Variants in SLC44A5 observed in about 807,000 individuals in gnomAD.
The protein encoded by SLC44A5 is choline transporter-like protein 5.
A neutral mutation model predicts 101.8 loss-of-function variants in SLC44A5; 57 were observed. That is an observed-to-expected ratio of 0.56 (90% CI 0.45 to 0.70). SLC44A5 has a LOEUF of 0.70. Ranked by LOEUF, SLC44A5 falls within the 30% of genes least tolerant of loss-of-function variation. The probability of loss-of-function intolerance (pLI) is 0.00; values close to 1 mark genes in which losing one functional copy is unlikely to be tolerated. For synonymous variants in SLC44A5, 281 were observed against 290.9 expected (o/e 0.97, Z 0.35); for missense variants, 737 against 853.1 (o/e 0.86, Z 1.70).
chr1:75,444,735 G>C (rs925571125), intron 2 of SLC44A5, among the ~76,000 whole-genome samples: 2 of 152,114 alleles, frequency 1.3e-5, no homozygotes, highest in Non-Finnish European at 2.9e-5. Context: ...CCATGCATAA[G>C]GGGAGGGTTC....
At chr1:75,479,675 C>A (rs1198798799) in intron 2 of SLC44A5, among the ~76,000 whole-genome samples, 2 of 140,050 alleles carry the variant, frequency 1.4e-5, no homozygotes, top group Admixed American at 7.0e-5. Flanking sequence ...TTCCTTGACA[C>A]ATACACCCTC....
the SLC44A5 span, among the ~76,000 whole-genome samples, chr1:75,722,970 G>A: frequency 6.6e-6 from 1 of 152,350 alleles, no homozygotes; most frequent in East Asian, 1.9e-4. Context: ...CTGGTCCAAG[G>A]AAGCATTAGG....
the SLC44A5 span, among the ~76,000 whole-genome samples, chr1:75,647,109 T>A: frequency 6.6e-6 from 1 of 152,204 alleles, no homozygotes; most frequent in African/African-American, 2.4e-5. Context: ...AAATGGTTTC[T>A]TGGGCCAGGC....
In SLC44A5 at chr1:75,234,944, C is replaced by G. The variant is rs528980707; in HGVS notation, c.741-846G>C. On this transcript the variant is annotated intron_variant, in intron 11 of 23. Transcript: ENST00000370859. ...AGTTGGCTGACTGTTCTATTAAGAA[C>G]TGATATGTCTGGTGCTATCTGTAAG... is the stretch of plus-strand genomic sequence containing the variant. Among the ~76,000 whole-genome samples, 4 of 152,144 alleles carry G rather than the reference C, an allele frequency of 2.6e-5. No individual in the cohort carries two copies. The South Asian group carries it at 8.3e-4, about 32-fold the overall frequency.
At chr1:75,496,693 C>T (rs1417560525) in intron 2 of SLC44A5, among the ~76,000 whole-genome samples, 1 of 150,276 alleles carries the variant, frequency 6.7e-6, no homozygotes, top group Non-Finnish European at 1.5e-5. Context: ...GATGAAAAGG[C>T]AACCTACAAA....
At chr1:75,503,836 T>C (rs1408229067) in intron 2 of SLC44A5, among the ~76,000 whole-genome samples, 1 of 152,126 alleles carries the variant, frequency 6.6e-6, no homozygotes, top group East Asian at 1.9e-4. Context: ...ATGCTCTGAG[T>C]CACCAAAAGT....
At chr1:75,486,769 C>T (rs757994616) in intron 2 of SLC44A5, among the ~76,000 whole-genome samples, 1 of 152,162 alleles carries the variant, frequency 6.6e-6, no homozygotes, top group African/African-American at 2.4e-5. Context: ...CAGCACACAC[C>T]GATGCAAGAG....
chr1:75,218,638 A>G lies in SLC44A5; in HGVS notation c.1381T>C (p.Leu461=). 1 of 1,613,874 alleles carries G rather than the reference A, an allele frequency of 6.2e-7. No individual in the cohort carries two copies. Among genetic ancestry groups the G allele is most frequent in the Non-Finnish European group, 8.5e-7 (1 of 1,179,790 alleles). ...QYIPTFHVYN[L]FVFLWLINFV... ...TTTATAAGCCAGAGAAAGACAAATA[A>G]GTTGTATACATGGAAGGTAGGGATG... is the stretch of plus-strand genomic sequence containing the variant. Residue 461 remains leucine (L), a synonymous_variant, in exon 17 of 24, where the codon TTA becomes CTA. Coordinates refer to ENST00000370859, the MANE Select transcript of SLC44A5 (RefSeq NM_001130058.2).
At chr1:75,485,038 G>A (rs1172956835) in intron 2 of SLC44A5, among the ~76,000 whole-genome samples, 1 of 152,248 alleles carries the variant, frequency 6.6e-6, no homozygotes, top group Non-Finnish European at 1.5e-5. Flanking sequence ...GCTATGCCAT[G>A]TAGATCTCTG....
At chr1:75,519,150 C>A (rs1669985868) in intron 2 of SLC44A5, among the ~76,000 whole-genome samples, 1 of 151,936 alleles carries the variant, frequency 6.6e-6, no homozygotes. Flanking sequence ...ACTTTTTCAT[C>A]CTAATTTCTC....
intron 23 of SLC44A5, among the ~76,000 whole-genome samples, chr1:75,210,418 T>G (rs1646830446): frequency 6.6e-6 from 1 of 152,148 alleles, no homozygotes; most frequent in South Asian, 2.1e-4. Flanking sequence ...AGGAGCATCA[T>G]GTATAAGTCA....
chr1:75,236,883 A>C (rs1648130765), intron 11 of SLC44A5, 104 bp downstream of exon 11: 1 of 606,110 alleles, frequency 1.6e-6, no homozygotes, highest in African/African-American at 1.8e-5. Flanking sequence ...CCACCAGTAC[A>C]TTTCTTTTAT....
rs768238066 is a variant in SLC44A5, at chr1:75,242,872, T to C, written c.471+14A>G. 1 of 1,573,834 alleles carries C rather than the reference T, an allele frequency of 6.4e-7. No homozygotes were observed. Among genetic ancestry groups the C allele is most frequent in the Non-Finnish European group, 8.6e-7 (1 of 1,164,246 alleles). On this transcript the variant is annotated intron_variant, in intron 8 of 23. Transcript: ENST00000370859. ...GTTAAATTGTTCTCTTGCTTTAAGC[T>C]TAAACACACATACCTTCACAGGCTT...
chr1:75,564,172 C>T (rs211706), intron 1 of SLC44A5, among the ~76,000 whole-genome samples: 144,905 of 152,294 alleles, frequency 0.95, 68,963 homozygotes, highest in East Asian at 0.98. Flanking sequence ...ATGGGCTAGA[C>T]TGACCTGTGA....
chr1:75,714,875 T>G, the SLC44A5 span, among the ~76,000 whole-genome samples: 1 of 152,178 alleles, frequency 6.6e-6, no homozygotes, highest in African/African-American at 2.4e-5. Flanking sequence ...GGTTTCACCA[T>G]GCTGGCCAGG....
chr1:75,392,359 T>C (rs2101366843), intron 3 of SLC44A5, among the ~76,000 whole-genome samples: 2 of 151,920 alleles, frequency 1.3e-5, no homozygotes, highest in Admixed American at 1.3e-4. Flanking sequence ...ACAAGATACT[T>C]CAAAAAGAAG....
chr1:75,339,606 T>C lies in SLC44A5; in HGVS notation c.77A>G (p.Asp26Gly), dbSNP rs1452352032. The C allele has an allele frequency of 2.5e-6, 4 of 1,609,670 alleles. No individual in the cohort carries two copies. The highest frequency in any genetic ancestry group is 3.4e-6 in the Non-Finnish European group (4 of 1,177,816). ...CCTGTTGGCAACAGGCCCCTTGAAA[T>C]CTGGGTCATATGTCCTTGGATCACC... ...DFGDPRTYDPDFKGPVANRSC... is the reference protein window; with the variant it reads ...DFGDPRTYDPGFKGPVANRSC... The change falls in exon 4 of 24, where the codon GAT (aspartate) becomes GGT (glycine). Residue 26 changes from aspartate (D) to glycine (G), a missense_variant. Coordinates refer to ENST00000370859, the MANE Select transcript of SLC44A5 (RefSeq NM_001130058.2).
the SLC44A5 span, among the ~76,000 whole-genome samples, chr1:75,630,331 C>T: frequency 6.6e-6 from 1 of 152,134 alleles, no homozygotes; most frequent in South Asian, 2.1e-4. Context: ...CAATCATTTC[C>T]ATAGGGTCCT....
chr1:75,587,634 G>A (rs1030773377), intron 1 of SLC44A5, among the ~76,000 whole-genome samples: 1 of 152,114 alleles, frequency 6.6e-6, no homozygotes, highest in Non-Finnish European at 1.5e-5. Flanking sequence ...CAGTTATGTG[G>A]CTTAGCTCTT....
Sources: allele counts gnomAD v4.1 joint callset (sites outside exome capture counted in the v4.1 genomes callset), GRCh38; gene constraint gnomAD v4.1.1; transcripts MANE v1.5; gene names NCBI Gene and HGNC (gene_info 2026-07-23, HGNC 2026-07-21).